Variants in STAB1 observed in about 807,000 individuals in gnomAD.
The protein encoded by STAB1 is stabilin-1.
Under a neutral mutation model 332.4 loss-of-function variants are expected in STAB1, and 250 were observed. The observed-to-expected ratio is 0.75, with a 90% CI of 0.68 to 0.84. The LOEUF (loss-of-function observed/expected upper bound fraction) is 0.84. Among genes scored for constraint, STAB1 ranks in the 40% least tolerant of loss-of-function variants. The pLI, the probability that STAB1 is intolerant of heterozygous loss-of-function variation, is 0.00. For missense variants in STAB1, 3,249 were observed against 3,489.7 expected (o/e 0.93, Z 1.74); for synonymous variants, 1,475 against 1,390.4 (o/e 1.06, Z -1.35).
rs7630214 is a variant in STAB1, at chr3:52,520,288, G to C, written c.5497G>C (p.Ala1833Pro). 1,524,050 of 1,613,086 alleles carry C rather than the reference G, an allele frequency of 0.94. 720,352 individuals are homozygous for C. Among genetic ancestry groups the C allele is most frequent in the East Asian group, 1 (44,880 of 44,890 alleles). Reference protein sequence around the residue: ...PISFSCSRTRAGELMVGEDDA... With the variant: ...PISFSCSRTRPGELMVGEDDA... ...CTCTTTCTCCTGCAGCCGAACGCGG[G>C]CCGTGAGTCTGGGGAGAGGGCTTGG... Residue 1833 changes from alanine (A) to proline (P), a missense_variant and splice_region_variant, in exon 52 of 69, where the codon GCC becomes CCC. Ala to Pro is a conservative substitution (Grantham distance 27). Transcript: ENST00000321725.
chr3:52,518,670 C>G, intron 47 of STAB1, 53 bp from the exon 48 acceptor site: 1 of 1,611,742 alleles, frequency 6.2e-7, no homozygotes, highest in Non-Finnish European at 8.5e-7. Context: ...GGTGGCCCTG[C>G]GTGGGCTGAG....
chr3:52,510,228 C>G lies in STAB1; in HGVS notation c.2621C>G (p.Ser874Ter). Residue 874 changes from serine (S) to a stop codon, truncating the protein, a stop_gained, in exon 24 of 69, where the codon TCA becomes TGA. Coordinates refer to ENST00000321725, the MANE Select transcript of STAB1 (RefSeq NM_015136.3). LOFTEE classifies it high-confidence loss of function. The part of the protein sequence containing the change: ...PCSHPDRGGC[S>*]ENAECVPGSL... ...TCCCACCCGGACCGTGGAGGCTGCT[C>G]AGAGAATGTCAGTCCCCTTGCTCCT... 1 of 1,614,032 alleles carries G rather than the reference C, an allele frequency of 6.2e-7. No individual in the cohort carries two copies. The highest frequency in any genetic ancestry group is 8.5e-7 in the Non-Finnish European group (1 of 1,180,014).
Position 52,503,862 on chromosome 3 carries a change from C to G in STAB1, c.982C>G (p.Arg328Gly), listed in dbSNP as rs146999944. The change falls in exon 9 of 69, where the codon CGG (arginine) becomes GGG (glycine). Residue 328 changes from arginine to glycine, a missense_variant. Arg to Gly is a moderately radical substitution (Grantham distance 125, BLOSUM62 -2). Transcript: ENST00000321725. ...CTTCTGCTCCCCCTTCTCCTGCGAC[C>G]GGTCTGCCACTTGCCAGGTGACCGC... ...FAFCSPFSCD[R>G]SATCQVTADG... The G allele has an allele frequency of 6.2e-7, 1 of 1,613,246 alleles. No individual in the cohort carries two copies. Among genetic ancestry groups the G allele is most frequent in the Non-Finnish European group, 8.5e-7 (1 of 1,180,028 alleles).
At chr3:52,513,596 G>A in intron 30 of STAB1, 121 bp from the exon 31 acceptor site, 3 of 1,009,886 alleles carry the variant, frequency 3.0e-6, no homozygotes, top group Non-Finnish European at 2.9e-6. Flanking sequence ...CCCAGCTTGT[G>A]GGCCAGCCTG....
intron 1 of STAB1, among the ~76,000 whole-genome samples, chr3:52,497,293 T>C (rs1708102498): frequency 1.3e-5 from 2 of 151,298 alleles, no homozygotes; most frequent in Admixed American, 6.6e-5. Flanking sequence ...CCCAACCCCA[T>C]GTTCAGACTT....
Position 52,523,015 on chromosome 3 carries a change from T to C in STAB1, c.6911-10T>C. On this transcript the variant is annotated splice_polypyrimidine_tract_variant and intron_variant, in intron 62 of 68. Transcript: ENST00000321725. ...CAATCTGCTGAGCCACTGACCTGCT[T>C]TTCCTGCAGATGTGGCCTGCCGATG... The C allele has an allele frequency of 6.3e-7, 1 of 1,584,092 alleles. No homozygotes were observed.
chr3:52,503,491 G>T lies in STAB1; in HGVS notation c.842G>T (p.Gly281Val). The T allele has an allele frequency of 6.2e-7, 1 of 1,613,738 alleles. No individual in the cohort carries two copies. Among genetic ancestry groups the T allele is most frequent in the Non-Finnish European group, 8.5e-7 (1 of 1,180,028 alleles). The part of the protein sequence containing the change: ...LPKDPCTDNL[G>V]GCPSNSTLCV... ...AAGGACCCATGCACTGACAACCTTG[G>T]TGGCTGCCCCAGCAACTCTACTTTG... The change falls in exon 8 of 69, where the codon GGT (glycine) becomes GTT (valine). Residue 281 changes from glycine to valine, a missense_variant. Physicochemically the swap from Gly to Val is moderately radical, Grantham distance 109. Coordinates refer to ENST00000321725, the MANE Select transcript of STAB1 (RefSeq NM_015136.3).
chr3:52,510,087 C>T (rs1283398817), intron 23 of STAB1, 31 bp downstream of exon 23: 18 of 1,613,454 alleles, frequency 1.1e-5, no homozygotes, highest in Non-Finnish European at 1.4e-5. Context: ...TCTGCCCCAC[C>T]CGTGACCTTT....
rs779973582 is a variant in STAB1 at position 52,510,518 on chromosome 3, G to A, written c.2787+11G>A. Reference sequence around the variant, plus strand: ...GTGGGCCCCGGGCAGGTGAGGTGCAGCAGAGAAGGGGTGGGGGCCTTGGTT... The same window carrying A: ...GTGGGCCCCGGGCAGGTGAGGTGCAACAGAGAAGGGGTGGGGGCCTTGGTT... On this transcript the variant is annotated intron_variant, in intron 25 of 68. Coordinates refer to ENST00000321725, the MANE Select transcript of STAB1 (RefSeq NM_015136.3). The A allele has an allele frequency of 1.2e-6, 2 of 1,610,192 alleles. No homozygotes were observed. The highest frequency in any genetic ancestry group is 1.7e-5 in the Admixed American group (1 of 59,900).
At chr3:52,498,604 A>G (rs1353203269) in intron 1 of STAB1, among the ~76,000 whole-genome samples, 1 of 152,228 alleles carries the variant, frequency 6.6e-6, no homozygotes, top group Non-Finnish European at 1.5e-5. Context: ...CCATCGCTCC[A>G]TCTAGCCCTG....
At chr3:52,512,736 G>A in intron 28 of STAB1, 92 bp from the exon 29 acceptor site, 2 of 1,610,818 alleles carry the variant, frequency 1.2e-6, no homozygotes, top group South Asian at 2.2e-5. Context: ...AGCGTGGGAG[G>A]TTGGGGGCAG....
rs779798417 is a variant in STAB1, at chr3:52,517,048, AC to A, written c.4430del (p.Pro1477LeufsTer114). The A allele has an allele frequency of 6.2e-7, 1 of 1,603,834 alleles. No homozygotes were observed. Among genetic ancestry groups the A allele is most frequent in the East Asian group, 2.2e-5 (1 of 44,698 alleles). On this transcript the variant is annotated frameshift_variant, in exon 42 of 69. Transcript: ENST00000321725. LOFTEE classifies it high-confidence loss of function. ...SPHANCTKVAPGQRTCTCQDG... is the reference protein window; with the variant it reads ...SPHANCTKVAXGQRTCTCQDG... ...CTCATGCCAACTGTACCAAGGTGGCACCTGGGCAGCGGACATGCACCTGCCA... is the reference window on the plus strand; with the variant it reads ...CTCATGCCAACTGTACCAAGGTGGCACTGGGCAGCGGACATGCACCTGCCA...
At chr3:52,507,817 ACCAGGGTTAGAGTTCTGGAC>A in intron 19 of STAB1, 94 bp from the exon 20 acceptor site, 1 of 1,443,900 alleles carries the variant, frequency 6.9e-7, no homozygotes, top group Non-Finnish European at 9.6e-7. Context: ...GCCCCACTGG[ACCAGGGTTAGAGTTCTGGAC>A]CCAGGGGGCA....
At position 52,506,749 on chromosome 3, in the gene STAB1, G is replaced by A. The variant is rs769945452; in HGVS notation, c.1888G>A (p.Ala630Thr). 6.2e-6 allele frequency: 10 copies of A among 1,612,668 alleles called. No homozygotes were observed. Among genetic ancestry groups the A allele is most frequent in the Middle Eastern group, 1.7e-4 (1 of 6,056 alleles). ...GCTGCAGAGGGTAGACGTGATGGCC[G>A]CCAATGGTGTGATCCACATGCTGGA... The part of the protein sequence containing the change: ...VPLQRVDVMA[A>T]NGVIHMLDGI... The change falls in exon 18 of 69, where the codon GCC becomes ACC. Residue 630 changes from alanine to threonine, a missense_variant. Physicochemically the swap from Ala to Thr is moderately conservative, Grantham distance 58 (BLOSUM62 0). Coordinates refer to ENST00000321725, the MANE Select transcript of STAB1 (RefSeq NM_015136.3).
rs922188836 is a variant in STAB1 at position 52,505,725 on chromosome 3, A to G, written c.1639A>G (p.Ser547Gly). The change falls in exon 15 of 69, where the codon AGC (serine) becomes GGC (glycine). Residue 547 changes from serine (S) to glycine (G), a missense_variant. Coordinates refer to ENST00000321725, the MANE Select transcript of STAB1 (RefSeq NM_015136.3). Reference protein sequence around the residue: ...GPGPFTVFAPSNEAVDSLRDG... With the variant: ...GPGPFTVFAPGNEAVDSLRDG... ...TGGGCCCTTCACAGTCTTTGCCCCA[A>G]GCAATGAGGCTGTGGACAGCTTGCG... 4 of 1,613,880 alleles carry G rather than the reference A, an allele frequency of 2.5e-6. No individual in the cohort carries two copies. Among genetic ancestry groups the G allele is most frequent in the Middle Eastern group, 3.3e-4 (2 of 6,060 alleles).
chr3:52,512,012 C>CA (rs1388174607), intron 26 of STAB1, among the ~76,000 whole-genome samples: 1 of 152,202 alleles, frequency 6.6e-6, no homozygotes, highest in Non-Finnish European at 1.5e-5. Flanking sequence ...TCCACTGTAC[C>CA]ACACTCCTGC....
rs756066399 is a variant in STAB1 at position 52,501,661 on chromosome 3, C to G, written c.239C>G (p.Ser80Cys). ...AGCTACGAAGTACAGCTGGGGGGCT[C>G]TATGGTGTCCATGAGCGGCTGCAGA... ...DCRYEVQLGG[S>C]MVSMSGCRRK... The change falls in exon 3 of 69, where the codon TCT becomes TGT. Residue 80 changes from serine (S) to cysteine (C), a missense_variant. By Grantham distance (112) the Ser-to-Cys change is moderately radical (BLOSUM62 -1). Coordinates refer to ENST00000321725, the MANE Select transcript of STAB1 (RefSeq NM_015136.3). 11 of 1,571,580 alleles carry G rather than the reference C, an allele frequency of 7.0e-6. No homozygotes were observed. Among genetic ancestry groups the G allele is most frequent in the Non-Finnish European group, 9.5e-6 (11 of 1,159,298 alleles).
In STAB1 at chr3:52,501,666, G is replaced by A. The variant is rs772084758; in HGVS notation, c.244G>A (p.Val82Met). Residue 82 changes from valine (V) to methionine (M), a missense_variant, in exon 3 of 69, where the codon GTG (valine) becomes ATG (methionine). Coordinates refer to ENST00000321725, the MANE Select transcript of STAB1 (RefSeq NM_015136.3). ...CGAAGTACAGCTGGGGGGCTCTATG[G>A]TGTCCATGAGCGGCTGCAGACGGAA... is the stretch of plus-strand genomic sequence containing the variant. The part of the protein sequence containing the change: ...RYEVQLGGSM[V>M]SMSGCRRKCR... 2 of 1,574,112 alleles carry A rather than the reference G, an allele frequency of 1.3e-6. No individual in the cohort carries two copies. The highest frequency in any genetic ancestry group is 1.7e-6 in the Non-Finnish European group (2 of 1,160,622).
rs1272981563 is a variant in STAB1 at position 52,506,229 on chromosome 3, G to T, written c.1809G>T (p.Leu603=). 1.9e-6 allele frequency: 3 copies of T among 1,612,776 alleles called. No homozygotes were observed. The South Asian group carries it at 3.3e-5, about 18-fold the overall frequency. Residue 603 remains leucine (L), a synonymous_variant, in exon 17 of 69, where the codon CTG becomes CTT. Transcript: ENST00000321725. The part of the protein sequence containing the change: ...GRILTMANQV[L]AVNISEEGRI... The stretch of plus-strand genomic sequence containing the variant: ...TCCTCACCATGGCGAACCAGGTCCT[G>T]GCTGTGAACATTTCTGAGGAGGTGA...
Sources: gnomAD v4.1 joint callset for allele counts (sites outside exome capture counted in the v4.1 genomes callset) on GRCh38, gnomAD v4.1.1 for gene constraint, MANE v1.5 for transcripts, NCBI Gene and HGNC (gene_info 2026-07-23, HGNC 2026-07-21) for gene names.